Variants in MAML2 observed in about 807,000 individuals in gnomAD.
MAML2 encodes mastermind-like protein 2.
In MAML2, 22 loss-of-function variants were observed where a neutral mutation model predicts 96.1. The ratio of observed to expected loss-of-function variants is 0.23; its 90% CI spans 0.16 to 0.33. The LOEUF (loss-of-function observed/expected upper bound fraction) is 0.33, where lower values mean the gene tolerates loss of function less well. MAML2 is among the 10% of genes least tolerant of loss of function. The pLI is 1.00. For synonymous variants in MAML2, 561 were observed against 521.3 expected (o/e 1.08, Z -1.04); for missense variants, 1,367 against 1,392.4 (o/e 0.98, Z 0.29).
intron 2 of MAML2, among the ~76,000 whole-genome samples, chr11:96,036,295 C>T (rs1264443859): frequency 1.3e-5 from 2 of 152,116 alleles, no homozygotes; most frequent in African/African-American, 4.8e-5. Context: ...GATGGTATGT[C>T]TCAGGTTTTA....
chr11:96,091,372 C>T (rs546794752), intron 2 of MAML2, among the ~76,000 whole-genome samples: 12 of 152,226 alleles, frequency 7.9e-5, no homozygotes, highest in South Asian at 6.2e-4. Flanking sequence ...GGCTGATATT[C>T]GGTCCACATG....
rs1437764323 is a variant in MAML2 at position 95,991,528 on chromosome 11, C to T, written c.2335G>A (p.Ala779Thr). The T allele has an allele frequency of 1.9e-6, 3 of 1,613,638 alleles. 1 individual carries two copies. The highest frequency in any genetic ancestry group is 3.3e-4 in the Middle Eastern group (2 of 6,052). ...QQLLLQQQML[A>T]DAEKIAPQDQ... ...TTAAGAGAAAGTTTTACCGCGTCAGCCAGCATCTGCTGCTGGAGAAGAAGT... is the reference window on the plus strand; with the variant it reads ...TTAAGAGAAAGTTTTACCGCGTCAGTCAGCATCTGCTGCTGGAGAAGAAGT... Residue 779 changes from alanine to threonine, a missense_variant, in exon 3 of 5, where the codon GCT (alanine) becomes ACT (threonine). Physicochemically the swap from Ala to Thr is moderately conservative, Grantham distance 58. Coordinates refer to ENST00000524717, the MANE Select transcript of MAML2 (RefSeq NM_032427.4).
chr11:96,188,860 A>G (rs747312546), intron 1 of MAML2, among the ~76,000 whole-genome samples: 5 of 152,118 alleles, frequency 3.3e-5, no homozygotes, highest in Admixed American at 6.5e-5. Context: ...GCAGCATTCT[A>G]TGGGGCTGGT....
chr11:96,219,041 G>A (rs1862093885), intron 1 of MAML2, among the ~76,000 whole-genome samples: 1 of 152,226 alleles, frequency 6.6e-6, no homozygotes, highest in Non-Finnish European at 1.5e-5. Flanking sequence ...AGTGGAGACT[G>A]TCCCACCACG....
At chr11:96,326,048 G>A (rs542425163) in intron 1 of MAML2, among the ~76,000 whole-genome samples, 11 of 151,320 alleles carry the variant, frequency 7.3e-5, no homozygotes, top group African/African-American at 2.7e-4. Context: ...TTGTATCACC[G>A]TTAAATTTCT....
intron 1 of MAML2, among the ~76,000 whole-genome samples, chr11:96,176,867 G>T (rs527469620): frequency 1.4e-3 from 212 of 152,144 alleles, no homozygotes; most frequent in African/African-American, 5.0e-3. Context: ...CAAAATCAAA[G>T]AATTTTCCTG....
chr11:96,020,271 T>C (rs1252496775), intron 2 of MAML2, among the ~76,000 whole-genome samples: 1 of 152,126 alleles, frequency 6.6e-6, no homozygotes, highest in Non-Finnish European at 1.5e-5. Flanking sequence ...TCCATCAGAT[T>C]CTCATTTTTG....
chr11:96,032,082 G>A (rs1858624869), intron 2 of MAML2, among the ~76,000 whole-genome samples: 1 of 152,232 alleles, frequency 6.6e-6, no homozygotes, highest in South Asian at 2.1e-4. Context: ...CTGAAAGTGA[G>A]CCCACAGTTT....
intron 1 of MAML2, among the ~76,000 whole-genome samples, chr11:96,267,508 A>G (rs1309207075): frequency 6.6e-6 from 1 of 152,264 alleles, no homozygotes; most frequent in Non-Finnish European, 1.5e-5. Context: ...GCAACCAGAA[A>G]GTGAAACTTA....
intron 2 of MAML2, among the ~76,000 whole-genome samples, chr11:96,062,764 TC>T (rs1859184595): frequency 1.3e-5 from 2 of 152,194 alleles, no homozygotes; most frequent in African/African-American, 4.8e-5. Context: ...ATGTGGTCAC[TC>T]CCTTTTTAAA....
At chr11:96,340,764 C>T (rs1001147571) in intron 1 of MAML2, among the ~76,000 whole-genome samples, 6 of 152,104 alleles carry the variant, frequency 3.9e-5, no homozygotes, top group Non-Finnish European at 8.8e-5. Flanking sequence ...TAGAGGGAAT[C>T]AGAGAGTAGG....
chr11:96,334,104 G>A (rs1863887509), intron 1 of MAML2, among the ~76,000 whole-genome samples: 1 of 152,176 alleles, frequency 6.6e-6, no homozygotes, highest in African/African-American at 2.4e-5. Context: ...TAGGGAGATG[G>A]AAATCTATCC....
intron 1 of MAML2, among the ~76,000 whole-genome samples, chr11:96,316,269 G>A (rs767828639): frequency 3.3e-5 from 5 of 152,168 alleles, no homozygotes; most frequent in Admixed American, 6.5e-5. Context: ...GGTGGGTACT[G>A]CAGATACACA....
At chr11:96,278,599 C>G (rs1446426824) in intron 1 of MAML2, among the ~76,000 whole-genome samples, 6 of 152,182 alleles carry the variant, frequency 3.9e-5, no homozygotes, top group Admixed American at 3.9e-4. Flanking sequence ...CACAGGCTTT[C>G]CTAATGGGAT....
intron 1 of MAML2, among the ~76,000 whole-genome samples, chr11:96,139,102 A>G (rs1243840626): frequency 2.0e-5 from 3 of 152,168 alleles, no homozygotes; most frequent in South Asian, 2.1e-4. Flanking sequence ...CTTTTTCCAT[A>G]TATATATTGG....
At chr11:95,998,856 C>T (rs2135715981) in intron 2 of MAML2, among the ~76,000 whole-genome samples, 1 of 152,248 alleles carries the variant, frequency 6.6e-6, no homozygotes, top group African/African-American at 2.4e-5. Flanking sequence ...ATGCTTTCCC[C>T]AATTTTTTAC....
At chr11:96,192,787 G>A (rs937951188) in intron 1 of MAML2, among the ~76,000 whole-genome samples, 1 of 152,136 alleles carries the variant, frequency 6.6e-6, no homozygotes, top group Non-Finnish European at 1.5e-5. Flanking sequence ...CCCTATCTTT[G>A]GGACATATGC....
At chr11:95,994,864 C>T (rs1229623441) in intron 2 of MAML2, among the ~76,000 whole-genome samples, 1 of 152,136 alleles carries the variant, frequency 6.6e-6, no homozygotes, top group African/African-American at 2.4e-5. Context: ...ATGCAATGGA[C>T]AAGACCATAA....
chr11:96,270,224 C>T (rs1004780280), intron 1 of MAML2, among the ~76,000 whole-genome samples: 1 of 108,034 alleles, frequency 9.3e-6, no homozygotes, highest in African/African-American at 4.1e-5. Flanking sequence ...ACCTTACATC[C>T]TATCCACTAA....
Sources: allele counts gnomAD v4.1 joint callset (sites outside exome capture counted in the v4.1 genomes callset), GRCh38; gene constraint gnomAD v4.1.1; transcripts MANE v1.5; gene names NCBI Gene and HGNC (gene_info 2026-07-23, HGNC 2026-07-21).